ZFP91: variants seen among roughly 807,000 people sequenced by gnomAD.
ZFP91 encodes the protein ZFP91 zinc finger protein, atypical E3 ubiquitin ligase.
ZFP91 carries 7 observed loss-of-function variants against 63.5 expected under a neutral mutation model. The ratio of observed to expected loss-of-function variants is 0.11; its 90% CI spans 0.06 to 0.21. The LOEUF (loss-of-function observed/expected upper bound fraction) is 0.21, where lower values mean the gene tolerates loss of function less well. Among genes scored for constraint, ZFP91 ranks in the 10% least tolerant of loss-of-function variants. The probability of loss-of-function intolerance (pLI) is 1.00; values close to 1 mark genes in which losing one functional copy is unlikely to be tolerated. For missense variants in ZFP91, 628 were observed against 736.6 expected (o/e 0.85, Z 1.71); for synonymous variants, 330 against 272.1 (o/e 1.21, Z -2.10).
intron 1 of ZFP91, among the ~76,000 whole-genome samples, chr11:58,582,766 A>G (rs925435073): frequency 2.0e-5 from 3 of 152,202 alleles, no homozygotes; most frequent in African/African-American, 4.8e-5. Flanking sequence ...TTTAGCTTAC[A>G]GTTTTTATAA....
At chr11:58,610,912 A>G (rs766050804) in intron 4 of ZFP91, 38 bp from the exon 5 acceptor site, 5 of 1,588,112 alleles carry the variant, frequency 3.1e-6, no homozygotes, top group South Asian at 1.1e-5. Flanking sequence ...CATGTTCGCT[A>G]CAACCAGAAT....
intron 7 of ZFP91, 176 bp from the exon 8 acceptor site, chr11:58,612,586 G>A: frequency 1.6e-6 from 1 of 625,460 alleles, no homozygotes; most frequent in Non-Finnish European, 2.8e-6. Flanking sequence ...TCAAATATTT[G>A]CTAATTCTTG....
chr11:58,612,190 C>T (rs1242780325), intron 6 of ZFP91, 88 bp from the exon 7 acceptor site: 12 of 1,193,600 alleles, frequency 1.0e-5, no homozygotes, highest in South Asian at 2.8e-5. Context: ...GTTCTTTGGC[C>T]GTGTGTGTGT....
intron 2 of ZFP91, among the ~76,000 whole-genome samples, chr11:58,594,725 T>G (rs1354602388): frequency 6.6e-6 from 1 of 152,212 alleles, no homozygotes; most frequent in African/African-American, 2.4e-5. Context: ...AAGAAAAATC[T>G]AGGCATTAAT....
chr11:58,609,418 G>GT (rs1406460894), intron 2 of ZFP91, among the ~76,000 whole-genome samples: 2 of 152,166 alleles, frequency 1.3e-5, no homozygotes, highest in African/African-American at 4.8e-5. Context: ...TTATAGACTT[G>GT]TTTGGTTGTA....
In ZFP91 at chr11:58,579,494, G is replaced by A; in HGVS notation, c.213G>A (p.Arg71=). 1 of 1,524,878 alleles carries A rather than the reference G, an allele frequency of 6.6e-7. No homozygotes were observed. Among genetic ancestry groups the A allele is most frequent in the Non-Finnish European group, 8.8e-7 (1 of 1,141,412 alleles). The allele number at this position is 1,524,878 out of a possible 1,614,324, so 94.5% of individuals were successfully genotyped here. The change falls in exon 1 of 11, where the codon CGG becomes CGA. Residue 71 remains arginine, a synonymous_variant. Transcript: ENST00000316059. ...AAAAAAAVSR[R]RKAEYPRRRR... Reference sequence around the variant, plus strand: ...CCGCCGCCGCAGCTGTGTCCCGCCGGAGGAAGGCCGAGTATCCCCGCCGGC... The same window carrying A: ...CCGCCGCCGCAGCTGTGTCCCGCCGAAGGAAGGCCGAGTATCCCCGCCGGC...
At chr11:58,616,695 A>G (rs1855754179) in intron 9 of ZFP91, 21 bp from the exon 10 acceptor site, 1 of 1,603,336 alleles carries the variant, frequency 6.2e-7, no homozygotes, top group Non-Finnish European at 8.5e-7. Flanking sequence ...TAGAACACTA[A>G]CCACAGTATT....
chr11:58,616,608 C>G (rs1413415077), intron 9 of ZFP91, 108 bp from the exon 10 acceptor site: 1 of 750,300 alleles, frequency 1.3e-6, no homozygotes, highest in Non-Finnish European at 2.2e-6. Flanking sequence ...TTGAAAACAG[C>G]ATTGCTTTTA....
rs1855187735 is a variant in ZFP91, at chr11:58,585,336, A to G, written c.370+452A>G. 2.6e-5 allele frequency among the ~76,000 whole-genome samples: 4 copies of G among 152,164 alleles called. No homozygotes were observed. In the South Asian group the frequency reaches 8.3e-4, roughly 31 times the overall value. ...GTTTGAGTGTTAGCACACCAGATGT[A>G]TGTATTATAGTTTTCTGTTTTCCTG... On this transcript the variant is annotated intron_variant, in intron 2 of 10. Transcript: ENST00000316059.
Position 58,584,878 on chromosome 11 carries a change from G to A in ZFP91, c.364G>A (p.Asp122Asn), listed in dbSNP as rs766879245. Residue 122 changes from aspartate to asparagine, a missense_variant, in exon 2 of 11, where the codon GAT becomes AAT. Asp to Asn is a conservative substitution (Grantham distance 23, BLOSUM62 1). Coordinates refer to ENST00000316059, the MANE Select transcript of ZFP91 (RefSeq NM_053023.5). Reference sequence around the variant, plus strand: ...CAGATGCATAGAAAAAGTAACAACTGATAAAGGTAAGACTTGGTCATCCTT... The same window carrying A: ...CAGATGCATAGAAAAAGTAACAACTAATAAAGGTAAGACTTGGTCATCCTT... ...RLLCIEKVTT[D>N]KDPKEEKEEE... is the part of the protein sequence containing the mutation. 1.3e-6 allele frequency: 2 copies of A among 1,529,312 alleles called. No individual in the cohort carries two copies. The highest frequency in any genetic ancestry group is 1.4e-5 in the African/African-American group (1 of 69,346). The allele number at this position is 1,529,312 out of a possible 1,614,324, so 94.7% of individuals were successfully genotyped here. A position where few individuals can be genotyped will look rare whatever the true frequency, so the allele number is the denominator to read the frequency against.
intron 2 of ZFP91, among the ~76,000 whole-genome samples, chr11:58,589,860 T>G (rs1855275320): frequency 1.3e-5 from 2 of 152,222 alleles, no homozygotes; most frequent in Middle Eastern, 3.2e-3. Flanking sequence ...TTATAATATG[T>G]GAATTGTGAT....
At position 58,616,822 on chromosome 11, in the gene ZFP91, A is replaced by C; in HGVS notation, c.1202+7A>C. The C allele has an allele frequency of 6.2e-7, 1 of 1,612,884 alleles. No homozygotes were observed. Among genetic ancestry groups the C allele is most frequent in the Non-Finnish European group, 8.5e-7 (1 of 1,179,020 alleles). On this transcript the variant is annotated splice_region_variant and intron_variant, in intron 10 of 10. Transcript: ENST00000316059. Reference sequence around the variant, plus strand: ...CTGGCGAGAAGCCATTACAGTGAGTATTATTTACTGGTGAACATCTGGGTG... The same window carrying C: ...CTGGCGAGAAGCCATTACAGTGAGTCTTATTTACTGGTGAACATCTGGGTG...
At chr11:58,601,692 T>C (rs1473850373) in intron 2 of ZFP91, among the ~76,000 whole-genome samples, 10 of 152,118 alleles carry the variant, frequency 6.6e-5, no homozygotes, top group Admixed American at 6.5e-4. Context: ...TCCCCTAGGT[T>C]TTGGGATATT....
intron 2 of ZFP91, among the ~76,000 whole-genome samples, chr11:58,589,523 T>G (rs1176823098): frequency 6.6e-6 from 1 of 152,230 alleles, no homozygotes; most frequent in African/African-American, 2.4e-5. Context: ...TTTAATTATT[T>G]ATGGAAAACA....
At chr11:58,585,026 G>C in intron 2 of ZFP91, 142 bp downstream of exon 2, 1 of 614,032 alleles carries the variant, frequency 1.6e-6, no homozygotes, top group African/African-American at 1.9e-5. Context: ...AAAATATTTA[G>C]ACGACAGCAC....
chr11:58,605,392 G>T (rs1408486411), intron 2 of ZFP91, among the ~76,000 whole-genome samples: 12 of 152,146 alleles, frequency 7.9e-5, no homozygotes, highest in Non-Finnish European at 1.5e-5. Flanking sequence ...TTAATTTATG[G>T]CTTTAAGTGC....
intron 9 of ZFP91, 123 bp downstream of exon 9, chr11:58,614,466 G>A (rs1183324180): frequency 1.0e-5 from 7 of 684,714 alleles, no homozygotes; most frequent in East Asian, 3.1e-5. Flanking sequence ...CGGGGAAAAG[G>A]TGTGAAAATA....
intron 2 of ZFP91, among the ~76,000 whole-genome samples, chr11:58,591,411 T>C (rs1023384865): frequency 2.0e-5 from 3 of 152,254 alleles, no homozygotes; most frequent in African/African-American, 7.2e-5. Flanking sequence ...TGACTAGTAC[T>C]GTGATGTATA....
At chr11:58,612,053 G>A in intron 6 of ZFP91, 1 of 562,698 alleles carries the variant, frequency 1.8e-6, no homozygotes, top group Non-Finnish European at 3.1e-6. Context: ...CATAGTTTAT[G>A]GAAGGTATAT....
Sources: allele counts gnomAD v4.1 joint callset (sites outside exome capture counted in the v4.1 genomes callset), GRCh38; gene constraint gnomAD v4.1.1; transcripts MANE v1.5; gene names NCBI Gene and HGNC (gene_info 2026-07-23, HGNC 2026-07-21).